Variants in CSMD1 observed in about 807,000 individuals in gnomAD.
CSMD1 encodes CUB and Sushi multiple domains 1, also known as CUB and sushi domain-containing protein 1.
A neutral mutation model predicts 417.5 loss-of-function variants in CSMD1; 213 were observed. The observed-to-expected ratio is 0.51, with a 90% CI of 0.46 to 0.57. The LOEUF (loss-of-function observed/expected upper bound fraction) is 0.57, where lower values mean the gene tolerates loss of function less well. Ranked by LOEUF, CSMD1 falls within the 20% of genes least tolerant of loss-of-function variation. The pLI is 0.00. For missense variants in CSMD1, 6,923 were observed against 4,529.7 expected, an observed-to-expected ratio of 1.53 and a Z score of -15.17; for synonymous variants, 2,862 against 1,736.8, an observed-to-expected ratio of 1.65 and a Z score of -16.11.
intron 2 of CSMD1, among the ~76,000 whole-genome samples, chr8:4,632,498 G>A (rs1180417776): frequency 1.3e-5 from 2 of 152,076 alleles, no homozygotes; most frequent in African/African-American, 2.4e-5. Flanking sequence ...GGTGACAAGA[G>A]CAAAACTCCA....
chr8:4,659,245 A>C (rs574623781), intron 1 of CSMD1, among the ~76,000 whole-genome samples: 1 of 141,480 alleles, frequency 7.1e-6, no homozygotes, highest in African/African-American at 2.8e-5. Context: ...CATAGCTGCA[A>C]ATACCAACAT....
intron 7 of CSMD1, among the ~76,000 whole-genome samples, chr8:3,660,656 G>A (rs917855233): frequency 1.3e-5 from 2 of 151,506 alleles, no homozygotes; most frequent in Admixed American, 6.6e-5. Context: ...GAGTAGCTGG[G>A]ATTACAGGGT....
At chr8:4,650,636 T>G (rs1457869906) in intron 1 of CSMD1, among the ~76,000 whole-genome samples, 2 of 149,944 alleles carry the variant, frequency 1.3e-5, no homozygotes, top group African/African-American at 5.0e-5. Flanking sequence ...TGACAGCCTT[T>G]CGAGTCTGTG....
intron 11 of CSMD1, among the ~76,000 whole-genome samples, chr8:3,480,811 T>G (rs2117241953): frequency 6.6e-6 from 1 of 152,058 alleles, no homozygotes; most frequent in Admixed American, 6.5e-5. Flanking sequence ...CCTTCAGAAA[T>G]AAAGGGAACT....
intron 1 of CSMD1, among the ~76,000 whole-genome samples, chr8:4,943,126 G>A (rs1004223076): frequency 6.6e-6 from 1 of 152,160 alleles, no homozygotes; most frequent in Admixed American, 6.5e-5. Flanking sequence ...GGAATTAGTG[G>A]AGGATTAATT....
At chr8:3,641,945 G>C (rs1203431837) in intron 7 of CSMD1, among the ~76,000 whole-genome samples, 1 of 152,172 alleles carries the variant, frequency 6.6e-6, no homozygotes, top group East Asian at 1.9e-4. Context: ...CAAGCACTGA[G>C]TGAATCCCTG....
At chr8:3,370,944 C>G (rs1350843102) in intron 18 of CSMD1, among the ~76,000 whole-genome samples, 3 of 151,976 alleles carry the variant, frequency 2.0e-5, no homozygotes, top group Admixed American at 1.3e-4. Flanking sequence ...CCATTGCACT[C>G]CAGCCTGGGG....
At chr8:3,804,789 T>G (rs1009999503) in intron 5 of CSMD1, among the ~76,000 whole-genome samples, 1 of 152,252 alleles carries the variant, frequency 6.6e-6, no homozygotes. Flanking sequence ...AAAATATGTT[T>G]GGTAATCTAA....
intron 1 of CSMD1, among the ~76,000 whole-genome samples, chr8:4,773,191 C>G (rs1328555520): frequency 1.3e-5 from 2 of 152,054 alleles, no homozygotes; most frequent in African/African-American, 4.8e-5. Flanking sequence ...TTCCTTCTGG[C>G]CTTTCCTTTG....
At chr8:3,596,089 G>A (rs1278605518) in intron 8 of CSMD1, among the ~76,000 whole-genome samples, 1 of 152,186 alleles carries the variant, frequency 6.6e-6, no homozygotes, top group Non-Finnish European at 1.5e-5. Context: ...TCGAACTCTA[G>A]ACCAAAAGGC....
intron 10 of CSMD1, among the ~76,000 whole-genome samples, chr8:3,567,498 G>C (rs867408020): frequency 8.0e-5 from 11 of 137,750 alleles, no homozygotes; most frequent in South Asian, 2.7e-4. Flanking sequence ...AGGAAGAAAG[G>C]AAGGAAGGGA....
chr8:3,466,311 G>A (rs535932072), intron 12 of CSMD1, among the ~76,000 whole-genome samples: 1 of 152,112 alleles, frequency 6.6e-6, no homozygotes, highest in Non-Finnish European at 1.5e-5. Context: ...CAGCTCCAGA[G>A]CCTGTGTTCC....
intron 3 of CSMD1, among the ~76,000 whole-genome samples, chr8:4,400,761 G>GTTTTTTT (rs11439463): frequency 7.2e-6 from 1 of 139,520 alleles, no homozygotes; most frequent in African/African-American, 2.6e-5. Context: ...ATACAGATCA[G>GTTTTTTT]TTTTTTTTTT....
At chr8:3,101,714 C>T (rs952260130) in intron 46 of CSMD1, among the ~76,000 whole-genome samples, 11 of 152,034 alleles carry the variant, frequency 7.2e-5, no homozygotes, top group East Asian at 3.9e-4. Context: ...CATGAGCCAC[C>T]GCATCCGACC....
intron 3 of CSMD1, among the ~76,000 whole-genome samples, chr8:4,330,589 CA>C (rs34787742): frequency 7.4e-4 from 106 of 143,552 alleles, no homozygotes; most frequent in South Asian, 2.0e-3. Flanking sequence ...AACCCTGTCT[CA>C]AAAAAAAAAA....
chr8:3,537,403 G>C (rs1210640297), intron 10 of CSMD1, among the ~76,000 whole-genome samples: 1 of 152,136 alleles, frequency 6.6e-6, no homozygotes, highest in African/African-American at 2.4e-5. Flanking sequence ...TCATGCAACA[G>C]ACACAAATAC....
chr8:3,122,758 C>A (rs1817280478), intron 41 of CSMD1, among the ~76,000 whole-genome samples: 1 of 152,200 alleles, frequency 6.6e-6, no homozygotes, highest in Non-Finnish European at 1.5e-5. Flanking sequence ...CCCCCGACCC[C>A]AGCCATGTGG....
At chr8:4,134,412 A>G (rs1803294693) in intron 3 of CSMD1, among the ~76,000 whole-genome samples, 1 of 152,204 alleles carries the variant, frequency 6.6e-6, no homozygotes, top group South Asian at 2.1e-4. Flanking sequence ...ATGACCTTTG[A>G]AGACAGAGGG....
intron 2 of CSMD1, among the ~76,000 whole-genome samples, chr8:4,506,605 C>G (rs1389240892): frequency 2.0e-5 from 3 of 152,078 alleles, no homozygotes; most frequent in African/African-American, 4.8e-5. Context: ...AAACACTACC[C>G]AAGACTTTCA....
Sources: allele counts gnomAD v4.1 joint callset (sites outside exome capture counted in the v4.1 genomes callset), GRCh38; gene constraint gnomAD v4.1.1; transcripts MANE v1.5; gene names NCBI Gene and HGNC (gene_info 2026-07-23, HGNC 2026-07-21).